The following GALR1 variants were observed in gnomAD, a reference collection of about 807,000 sequenced individuals.
GALR1 encodes the protein galanin receptor type 1.
A neutral mutation model predicts 17.9 loss-of-function variants in GALR1; 11 were observed. That is an observed-to-expected ratio of 0.62 (90% CI 0.39 to 1.02). GALR1 has a LOEUF of 1.02. Ranked by LOEUF, GALR1 falls within the 50% of genes least tolerant of loss-of-function variation. The pLI is 0.01. For synonymous variants in GALR1, 206 were observed against 205.7 expected (o/e 1.00, Z -0.01); for missense variants, 441 against 456.9 (o/e 0.97, Z 0.32).
chr18:77,261,855 G>A (rs1912836019), intron 2 of GALR1, among the ~76,000 whole-genome samples: 1 of 152,164 alleles, frequency 6.6e-6, no homozygotes, highest in Non-Finnish European at 1.5e-5. Context: ...ATGGGGTCTT[G>A]CTTTGTTGCC....
intron 2 of GALR1, among the ~76,000 whole-genome samples, chr18:77,262,012 A>G (rs1170373447): frequency 6.6e-6 from 1 of 151,934 alleles, no homozygotes; most frequent in Non-Finnish European, 1.5e-5. Flanking sequence ...ACATTTTTTA[A>G]AGGTGGGGAC....
intron 2 of GALR1, among the ~76,000 whole-genome samples, chr18:77,266,486 T>C (rs1912945637): frequency 6.6e-6 from 1 of 152,208 alleles, no homozygotes. Context: ...CAAAGTTGCT[T>C]CGACATTTTT....
chr18:77,259,467 GATGGT>G (rs1912772248), intron 2 of GALR1, among the ~76,000 whole-genome samples: 11 of 139,500 alleles, frequency 7.9e-5, no homozygotes, highest in African/African-American at 2.8e-4. Context: ...TGATGGTGGT[GATGGT>G]GGCGATTGTG....
In GALR1 at chr18:77,254,306, G is replaced by A. The variant is rs532349634; in HGVS notation, c.667-1852G>A. On this transcript the variant is annotated intron_variant, in intron 1 of 2. Coordinates refer to ENST00000299727, the MANE Select transcript of GALR1 (RefSeq NM_001480.4). ...GGGGTGCATCATAATATATCATTCT[G>A]TGCTCATAGTAGGAGCTATTGAAGA... Among the ~76,000 whole-genome samples the A allele has an allele frequency of 3.0e-4, 46 of 152,246 alleles. 1 individual carries two copies. The South Asian group carries it at 9.5e-3, about 32-fold the overall frequency.
rs1238429025 is a variant in GALR1 at position 77,272,621 on chromosome 18, T to G, written c.*3719T>G. 6.6e-6 allele frequency: 1 copy of G among 152,266 alleles called. No individual in the cohort carries two copies. The highest frequency in any genetic ancestry group is 1.5e-5 in the Non-Finnish European group (1 of 68,048). 9.4% of individuals were successfully genotyped at this position (152,266 alleles called of 1,614,324 possible). A position where few individuals can be genotyped will look rare whatever the true frequency, so the allele number is the denominator to read the frequency against. ...TTAATCTTCACTGTTGCACATATTTTCCATGTCTTAAATTTGTAAGTGGGT... is the reference window on the plus strand; with the variant it reads ...TTAATCTTCACTGTTGCACATATTTGCCATGTCTTAAATTTGTAAGTGGGT... On this transcript the variant is annotated 3_prime_UTR_variant, in exon 3 of 3. Transcript: ENST00000299727.
chr18:77,258,678 GTGA>G (rs1298158076), intron 2 of GALR1, among the ~76,000 whole-genome samples: 38 of 142,596 alleles, frequency 2.7e-4, no homozygotes, highest in African/African-American at 8.8e-4. Flanking sequence ...GGTCATGGTG[GTGA>G]TGGTGATGGT....
Position 77,269,229 on chromosome 18 carries a change from G to A in GALR1, c.*327G>A, listed in dbSNP as rs1423159239. The A allele has an allele frequency of 1.0e-5, 2 of 191,864 alleles. No individual in the cohort carries two copies. Among genetic ancestry groups the A allele is most frequent in the East Asian group, 2.6e-4 (2 of 7,650 alleles). 11.9% of individuals were successfully genotyped at this position (191,864 alleles called of 1,614,324 possible). ...TCAACTCTTCATAGATTGTGAACTG[G>A]CCCATCAATATGGTCAGGAATATTT... On this transcript the variant is annotated 3_prime_UTR_variant, in exon 3 of 3. Coordinates refer to ENST00000299727, the MANE Select transcript of GALR1 (RefSeq NM_001480.4).
intron 2 of GALR1, among the ~76,000 whole-genome samples, chr18:77,261,195 A>G (rs1191872506): frequency 2.0e-5 from 3 of 152,240 alleles, no homozygotes; most frequent in African/African-American, 7.2e-5. Context: ...CAAAGAAACC[A>G]TGCTATTAAA....
At chr18:77,257,227 T>A (rs1346864530) in intron 2 of GALR1, among the ~76,000 whole-genome samples, 3 of 152,150 alleles carry the variant, frequency 2.0e-5, no homozygotes, top group Non-Finnish European at 4.4e-5. Context: ...TAGTCCAGAG[T>A]CAAAACCAGT....
chr18:77,267,825 A>AG (rs752368357), intron 2 of GALR1, among the ~76,000 whole-genome samples: 1 of 152,096 alleles, frequency 6.6e-6, no homozygotes, highest in Non-Finnish European at 1.5e-5. Context: ...TGGCCAGTGG[A>AG]GGAGGCCATG....
rs905929108 is a variant in GALR1, at chr18:77,273,750, C to T, written c.*4848C>T. 12 of 152,150 alleles carry T rather than the reference C, an allele frequency of 7.9e-5. 1 individual carries two copies. Among genetic ancestry groups the T allele is most frequent in the African/African-American group, 2.7e-4 (11 of 41,434 alleles). The allele number at this position is 152,150 out of a possible 1,614,324, so 9.4% of individuals were successfully genotyped here. On this transcript the variant is annotated 3_prime_UTR_variant, in exon 3 of 3. Coordinates refer to ENST00000299727, the MANE Select transcript of GALR1 (RefSeq NM_001480.4). The stretch of plus-strand genomic sequence containing the variant: ...CTCTGAATCTTTTCAATGTTGGCTC[C>T]ATTTGCCATACTCAGACAATTGCTT...
chr18:77,259,304 G>GATGGTC lies in GALR1; in HGVS notation c.732+3086_732+3087insCATGGT, dbSNP rs796079028. On this transcript the variant is annotated intron_variant, in intron 2 of 2. Transcript: ENST00000299727. ...TGGTCATGGTGGTCATGGTGGTGAT[G>GATGGTC]ATGGTGGTGATGATGGTGGTCATGG... 7.7e-3 allele frequency among the ~76,000 whole-genome samples: 426 copies of GATGGTC among 55,546 alleles called. 52 individuals are homozygous for GATGGTC. The highest frequency in any genetic ancestry group is 0.021 in the Middle Eastern group (2 of 94). 36.4% of individuals were successfully genotyped at this position (55,546 alleles called of 152,430 possible). A position where few individuals can be genotyped will look rare whatever the true frequency, so the allele number is the denominator to read the frequency against.
chr18:77,267,453 T>C (rs913019790), intron 2 of GALR1, among the ~76,000 whole-genome samples: 5 of 152,194 alleles, frequency 3.3e-5, no homozygotes, highest in Admixed American at 1.3e-4. Flanking sequence ...CAGCATCTGC[T>C]TCATAGAGTC....
In GALR1 at chr18:77,274,530, C is replaced by T. The variant is rs995325580; in HGVS notation, c.*5628C>T. 4 of 152,194 alleles carry T rather than the reference C, an allele frequency of 2.6e-5. No individual in the cohort carries two copies. Among genetic ancestry groups the T allele is most frequent in the Admixed American group, 2.0e-4 (3 of 15,278 alleles). 9.4% of individuals were successfully genotyped at this position (152,194 alleles called of 1,614,324 possible). ...TGCCAAGTACCTAAGGGTTCACTGC[C>T]TTGTTTGAGGAATCGCAGAGCATCA... On this transcript the variant is annotated 3_prime_UTR_variant, in exon 3 of 3. Transcript: ENST00000299727.
Position 77,276,031 on chromosome 18 carries a change from T to A in GALR1, c.*7129T>A, listed in dbSNP as rs1056374263. Reference sequence around the variant, plus strand: ...TAAAGAATCAAACTTAGTCATTCCATTGAAGTGAAATTGGATTATAATTTA... The same window carrying A: ...TAAAGAATCAAACTTAGTCATTCCAATGAAGTGAAATTGGATTATAATTTA... On this transcript the variant is annotated 3_prime_UTR_variant, in exon 3 of 3. Coordinates refer to ENST00000299727, the MANE Select transcript of GALR1 (RefSeq NM_001480.4). 10 of 140,726 alleles carry A rather than the reference T, an allele frequency of 7.1e-5. No homozygotes were observed. The highest frequency in any genetic ancestry group is 1.6e-4 in the Non-Finnish European group (10 of 63,174). 8.7% of individuals were successfully genotyped at this position (140,726 alleles called of 1,614,324 possible).
At chr18:77,262,247 T>A (rs544379903) in intron 2 of GALR1, among the ~76,000 whole-genome samples, 2 of 151,670 alleles carry the variant, frequency 1.3e-5, no homozygotes, top group South Asian at 2.1e-4. Flanking sequence ...TTTGCACTGG[T>A]TGAGGATGGG....
chr18:77,266,545 A>G (rs116573639), intron 2 of GALR1, among the ~76,000 whole-genome samples: 259 of 152,290 alleles, frequency 1.7e-3, no homozygotes, highest in African/African-American at 6.0e-3. Context: ...AATTTACCGT[A>G]TTAGTCCATT....
At chr18:77,258,597 G>GTGATGATGGTGGTGATGA (rs1912656681) in intron 2 of GALR1, among the ~76,000 whole-genome samples, 3 of 144,542 alleles carry the variant, frequency 2.1e-5, no homozygotes, top group Admixed American at 6.9e-5. Flanking sequence ...GGTGATGGTG[G>GTGATGATGGTGGTGATGA]TGGTCATGGT....
intron 2 of GALR1, among the ~76,000 whole-genome samples, chr18:77,259,175 A>G (rs1016827884): frequency 2.9e-4 from 1 of 3,420 alleles, no homozygotes; most frequent in African/African-American, 4.6e-4. Context: ...GGTGGTGATG[A>G]TGGTGGTGAT....
Sources: gnomAD v4.1 joint callset for allele counts (sites outside exome capture counted in the v4.1 genomes callset) on GRCh38, gnomAD v4.1.1 for gene constraint, MANE v1.5 for transcripts, NCBI Gene and HGNC (gene_info 2026-07-23, HGNC 2026-07-21) for gene names.